DGKB: variants seen among roughly 807,000 people sequenced by gnomAD.
DGKB encodes 90 kDa diacylglycerol kinase.
A neutral mutation model predicts 114.3 loss-of-function variants in DGKB; 67 were observed. That is an observed-to-expected ratio of 0.59 (90% CI 0.48 to 0.72). The LOEUF (loss-of-function observed/expected upper bound fraction) is 0.72, where lower values mean the gene tolerates loss of function less well. Among genes scored for constraint, DGKB ranks in the 30% least tolerant of loss-of-function variants. The pLI, the probability that DGKB is intolerant of heterozygous loss-of-function variation, is 0.00. For missense variants in DGKB, 907 were observed against 975.2 expected, an observed-to-expected ratio of 0.93 and a Z score of 0.93; for synonymous variants, 398 against 323.1, an observed-to-expected ratio of 1.23 and a Z score of -2.49.
chr7:14,744,511 C>G (rs1469353794), intron 4 of DGKB, among the ~76,000 whole-genome samples: 1 of 152,152 alleles, frequency 6.6e-6, no homozygotes, highest in East Asian at 1.9e-4. Context: ...ATTCTAGGAA[C>G]CTCAAGAAGA....
At chr7:14,541,803 TCAGA>T (rs1793505708) in intron 20 of DGKB, among the ~76,000 whole-genome samples, 1 of 152,204 alleles carries the variant, frequency 6.6e-6, no homozygotes, top group Non-Finnish European at 1.5e-5. Context: ...CGTCAGTAAG[TCAGA>T]CAATGTTGTA....
chr7:14,839,671 T>G (rs1231531648), intron 2 of DGKB, among the ~76,000 whole-genome samples: 1 of 152,070 alleles, frequency 6.6e-6, no homozygotes, highest in Non-Finnish European at 1.5e-5. Flanking sequence ...AAAACCTAAA[T>G]GTAAATATTC....
At chr7:14,917,907 C>G (rs1784319465) in intron 1 of DGKB, among the ~76,000 whole-genome samples, 1 of 152,020 alleles carries the variant, frequency 6.6e-6, no homozygotes, top group Admixed American at 6.6e-5. Context: ...CTATACACCA[C>G]CACCAAGTGC....
At chr7:14,595,316 T>C (rs1298349015) in intron 17 of DGKB, among the ~76,000 whole-genome samples, 1 of 152,092 alleles carries the variant, frequency 6.6e-6, no homozygotes, top group African/African-American at 2.4e-5. Context: ...GGTCTTTTTA[T>C]TCATCAAGTT....
chr7:14,328,302 T>C (rs1809112895), intron 23 of DGKB, among the ~76,000 whole-genome samples: 1 of 152,102 alleles, frequency 6.6e-6, no homozygotes, highest in Non-Finnish European at 1.5e-5. Context: ...ATGTTCTTCG[T>C]TATTCAATAT....
chr7:14,417,939 T>A (rs73068025), intron 21 of DGKB, among the ~76,000 whole-genome samples: 39,868 of 150,740 alleles, frequency 0.26, 5,757 homozygotes, highest in East Asian at 0.48. Flanking sequence ...ATACACTAAT[T>A]TGCTTCTTTC....
chr7:14,282,678 T>G (rs1486824394), intron 23 of DGKB, among the ~76,000 whole-genome samples: 1 of 150,694 alleles, frequency 6.6e-6, no homozygotes, highest in East Asian at 2.0e-4. Flanking sequence ...TCAAGTGGGC[T>G]TCATCCCTGG....
At chr7:14,749,475 AT>A (rs1833817687) in intron 4 of DGKB, among the ~76,000 whole-genome samples, 1 of 152,200 alleles carries the variant, frequency 6.6e-6, no homozygotes, top group African/African-American at 2.4e-5. Flanking sequence ...GAAATATATT[AT>A]TTTAGTAAAA....
chr7:14,429,820 C>G (rs1049973962), intron 21 of DGKB, among the ~76,000 whole-genome samples: 5 of 152,032 alleles, frequency 3.3e-5, no homozygotes, highest in African/African-American at 1.2e-4. Flanking sequence ...ACTCGGAAGC[C>G]TGAGGCAGGA....
chr7:14,709,911 A>G lies in DGKB; in HGVS notation c.467-8181T>C, dbSNP rs577994491. 8.4e-3 allele frequency among the ~76,000 whole-genome samples: 1,270 copies of G among 151,058 alleles called. 17 individuals carry two copies. Among genetic ancestry groups the G allele is most frequent in the African/African-American group, 0.029 (1,183 of 41,018 alleles). ...CAGCGCACCAGCATGGCACATGTAT[A>G]CATATGTAACTAACCTGCACAATGT... is the stretch of plus-strand genomic sequence containing the variant. On this transcript the variant is annotated intron_variant, in intron 6 of 25. Coordinates refer to ENST00000402815, the MANE Select transcript of DGKB (RefSeq NM_001350709.2).
chr7:14,561,328 C>T (rs749598801), intron 20 of DGKB, among the ~76,000 whole-genome samples: 2 of 152,110 alleles, frequency 1.3e-5, no homozygotes, highest in South Asian at 2.1e-4. Context: ...AGTTTATTAA[C>T]CCTATTTTTC....
chr7:14,177,950 C>A, intron 24 of DGKB, 81 bp downstream of exon 24: 1 of 1,372,426 alleles, frequency 7.3e-7, no homozygotes, highest in Non-Finnish European at 9.7e-7. Context: ...GACAATGTTA[C>A]TATCAGAGTT....
intron 21 of DGKB, among the ~76,000 whole-genome samples, chr7:14,416,586 C>T (rs1234022528): frequency 2.6e-5 from 4 of 151,908 alleles, no homozygotes; most frequent in Non-Finnish European, 5.9e-5. Context: ...GGTGGTTTCC[C>T]CCATACTGTT....
rs200476632 is a variant in DGKB, at chr7:14,662,893, CAT to C, written c.1134+10034_1134+10035del. On this transcript the variant is annotated intron_variant, in intron 13 of 25. Transcript: ENST00000402815. The stretch of plus-strand genomic sequence containing the variant: ...ATTATTTTAAAATTTTGTATGATTA[CAT>C]AGTTATGGTATGATAAAATGTTAAA... Among the ~76,000 whole-genome samples, 1,340 of 151,778 alleles carry C rather than the reference CAT, an allele frequency of 8.8e-3. 19 individuals carry two copies. Among genetic ancestry groups the C allele is most frequent in the African/African-American group, 0.031 (1,297 of 41,428 alleles).
intron 23 of DGKB, among the ~76,000 whole-genome samples, chr7:14,332,251 C>T (rs1364774648): frequency 6.6e-6 from 1 of 152,172 alleles, no homozygotes; most frequent in Non-Finnish European, 1.5e-5. Flanking sequence ...TCTTTGTGCC[C>T]ATTTTAGAGA....
At chr7:14,323,133 C>A (rs1041209566) in intron 23 of DGKB, among the ~76,000 whole-genome samples, 1 of 151,914 alleles carries the variant, frequency 6.6e-6, no homozygotes, top group Non-Finnish European at 1.5e-5. Flanking sequence ...GAAAAAGCTG[C>A]GTACTCATAA....
intron 20 of DGKB, among the ~76,000 whole-genome samples, chr7:14,525,804 A>C (rs1207032807): frequency 1.3e-5 from 2 of 152,190 alleles, no homozygotes; most frequent in Non-Finnish European, 2.9e-5. Flanking sequence ...CTAGAAATTC[A>C]AAATATTTTC....
intron 1 of DGKB, among the ~76,000 whole-genome samples, chr7:14,895,511 C>A (rs1048138193): frequency 3.3e-5 from 5 of 151,634 alleles, no homozygotes; most frequent in Non-Finnish European, 5.9e-5. Flanking sequence ...AACATCAGCT[C>A]TTTGTTCCTT....
intron 17 of DGKB, among the ~76,000 whole-genome samples, chr7:14,594,156 T>C (rs1802153957): frequency 6.6e-6 from 1 of 152,072 alleles, no homozygotes; most frequent in Non-Finnish European, 1.5e-5. Flanking sequence ...CAAAACACCT[T>C]TTAAAACGCC....
Sources: gnomAD v4.1 joint callset for allele counts (sites outside exome capture counted in the v4.1 genomes callset) on GRCh38, gnomAD v4.1.1 for gene constraint, MANE v1.5 for transcripts, NCBI Gene and HGNC (gene_info 2026-07-23, HGNC 2026-07-21) for gene names.